The following TAAR5 variants were observed in gnomAD, a reference collection of about 807,000 sequenced individuals.
TAAR5 encodes the protein trace amine-associated receptor 5.
Under a neutral mutation model 21.1 loss-of-function variants are expected in TAAR5, and 27 were observed. That is an observed-to-expected ratio of 1.28 (90% CI 0.94 to 1.76). The LOEUF is 1.76. Ranked by LOEUF, TAAR5 falls within the 40% of genes most tolerant of loss-of-function variation. The pLI is 0.00. For synonymous variants in TAAR5, 203 were observed against 167.5 expected, an observed-to-expected ratio of 1.21 and a Z score of -1.64; for missense variants, 495 against 405.6, an observed-to-expected ratio of 1.22 and a Z score of -1.89.
At chr6:132,609,048 G>T in the TAAR5 span, 1 of 455,302 alleles carries the variant, frequency 2.2e-6, no homozygotes, top group East Asian at 7.0e-5. Context: ...CCAGCAGAAA[G>T]TCCGTGGTTG....
chr6:132,607,431 C>T, the TAAR5 span, among the ~76,000 whole-genome samples: 1 of 152,004 alleles, frequency 6.6e-6, no homozygotes, highest in Non-Finnish European at 1.5e-5. Context: ...AGTTAATGAT[C>T]TGATTTAGAT....
chr6:132,589,032 A>G lies in TAAR5; in HGVS notation c.655T>C (p.Tyr219His). Reference sequence around the variant, plus strand: ...GTAGCAACCACAAAGATCTTCACATACAAGCTGATCATAATGAGGCAGGGG... The same window carrying G: ...GTAGCAACCACAAAGATCTTCACATGCAAGCTGATCATAATGAGGCAGGGG... ...FVPCLIMISL[Y>H]VKIFVVATRQ... Residue 219 changes from tyrosine (Y) to histidine (H), a missense_variant, in exon 1 of 1, where the codon TAT becomes CAT. Tyr to His is a moderately conservative substitution (Grantham distance 83, BLOSUM62 2). Transcript: ENST00000258034. 1 of 1,614,060 alleles carries G rather than the reference A, an allele frequency of 6.2e-7. No homozygotes were observed. Among genetic ancestry groups the G allele is most frequent in the Non-Finnish European group, 8.5e-7 (1 of 1,179,984 alleles).
the TAAR5 span, among the ~76,000 whole-genome samples, chr6:132,599,492 C>T: frequency 7.7e-3 from 1,164 of 151,888 alleles, 15 homozygotes; most frequent in African/African-American, 0.026. Flanking sequence ...CCATGCCTGG[C>T]TAATTTTTGT....
the TAAR5 span, among the ~76,000 whole-genome samples, chr6:132,596,379 G>T: frequency 2.0e-5 from 3 of 152,108 alleles, no homozygotes; most frequent in South Asian, 6.2e-4. Context: ...TGTAATTCTG[G>T]TGACGAATGC....
At chr6:132,607,265 C>T in the TAAR5 span, among the ~76,000 whole-genome samples, 1 of 152,034 alleles carries the variant, frequency 6.6e-6, no homozygotes, top group Non-Finnish European at 1.5e-5. Context: ...CTCTCCTTCT[C>T]CTTCTCCTTC....
chr6:132,615,950 C>G, the TAAR5 span, among the ~76,000 whole-genome samples: 1 of 151,318 alleles, frequency 6.6e-6, no homozygotes, highest in African/African-American at 2.4e-5. Flanking sequence ...TGAGGCTATA[C>G]TTAGCCTCGG....
At chr6:132,614,073 A>G in the TAAR5 span, among the ~76,000 whole-genome samples, 1 of 152,232 alleles carries the variant, frequency 6.6e-6, no homozygotes, top group Non-Finnish European at 1.5e-5. Flanking sequence ...CTTCTTCAAT[A>G]TATTAACTCA....
At chr6:132,605,674 C>G in the TAAR5 span, among the ~76,000 whole-genome samples, 20 of 152,148 alleles carry the variant, frequency 1.3e-4, no homozygotes, top group African/African-American at 3.9e-4. Flanking sequence ...GAAGTAGACA[C>G]TACCTGGGTA....
At chr6:132,599,565 G>A in the TAAR5 span, among the ~76,000 whole-genome samples, 1 of 151,934 alleles carries the variant, frequency 6.6e-6, no homozygotes, top group African/African-American at 2.4e-5. Flanking sequence ...CTAACCTCAG[G>A]TGATCCACCT....
chr6:132,592,915 C>A (rs528706722), upstream of TAAR5, among the ~76,000 whole-genome samples: 3 of 152,270 alleles, frequency 2.0e-5, no homozygotes, highest in African/African-American at 7.2e-5. Flanking sequence ...CCAGATCTAC[C>A]ACTGAATTCC....
chr6:132,594,584 G>A (rs112686295), upstream of TAAR5: 1 of 152,180 alleles, frequency 6.6e-6, no homozygotes, highest in African/African-American at 2.4e-5. Flanking sequence ...ATTAATGAAA[G>A]GATCTGTGAT....
chr6:132,594,299 C>G (rs755580130), upstream of TAAR5: 4 of 152,092 alleles, frequency 2.6e-5, no homozygotes, highest in Non-Finnish European at 5.9e-5. Context: ...GAAGGATCTC[C>G]TTATCTGGTC....
the TAAR5 span, among the ~76,000 whole-genome samples, chr6:132,601,392 A>G: frequency 1.3e-5 from 2 of 152,232 alleles, no homozygotes; most frequent in African/African-American, 4.8e-5. Context: ...ACCAGAATGC[A>G]GATAGCTAGA....
the TAAR5 span, among the ~76,000 whole-genome samples, chr6:132,601,340 G>A: frequency 1.3e-5 from 2 of 152,162 alleles, no homozygotes; most frequent in South Asian, 4.1e-4. Flanking sequence ...CAAAAGCCTT[G>A]CAAAGTATAT....
rs376609104 is a variant in TAAR5, at chr6:132,589,734, C to T, written c.-48G>A. On this transcript the variant is annotated 5_prime_UTR_variant, in exon 1 of 1. In the 5' UTR this introduces an upstream ATG that the reference lacks. Transcript: ENST00000258034. ...GTCTGAGAACTGGCCACCTTCTCCA[C>T]TGGAGGGCAAAAAAAAAAAAAAAAA... 2 of 347,586 alleles carry T rather than the reference C, an allele frequency of 5.8e-6. No individual in the cohort carries two copies. The highest frequency in any genetic ancestry group is 7.6e-5 in the South Asian group (1 of 13,182). 21.5% of individuals were successfully genotyped at this position (347,586 alleles called of 1,614,324 possible). A position where few individuals can be genotyped will look rare whatever the true frequency, so the allele number is the denominator to read the frequency against.
the TAAR5 span, among the ~76,000 whole-genome samples, chr6:132,600,426 C>T: frequency 6.6e-6 from 1 of 152,206 alleles, no homozygotes; most frequent in African/African-American, 2.4e-5. Context: ...GATGACTCCT[C>T]AATGCTCTCC....
the TAAR5 span, among the ~76,000 whole-genome samples, chr6:132,600,740 A>C: frequency 1.3e-5 from 2 of 151,486 alleles, no homozygotes; most frequent in Admixed American, 6.6e-5. Context: ...AAAGTAAACA[A>C]AAAGAAAAAG....
the TAAR5 span, among the ~76,000 whole-genome samples, chr6:132,598,845 A>G: frequency 2.0e-5 from 3 of 152,112 alleles, no homozygotes; most frequent in African/African-American, 7.2e-5. Flanking sequence ...AAAAAGAGGG[A>G]AGGAAGGGAG....
At chr6:132,590,963 T>C (rs1052284496), upstream of TAAR5, among the ~76,000 whole-genome samples, 9 of 152,218 alleles carry the variant, frequency 5.9e-5, no homozygotes, top group Non-Finnish European at 1.2e-4. Flanking sequence ...TAATTGATCA[T>C]GGGTTTTTTG....
Sources: allele counts gnomAD v4.1 joint callset (sites outside exome capture counted in the v4.1 genomes callset), GRCh38; gene constraint gnomAD v4.1.1; transcripts MANE v1.5; gene names NCBI Gene and HGNC (gene_info 2026-07-23, HGNC 2026-07-21).